RAD51B: variants seen among roughly 807,000 people sequenced by gnomAD.
The protein encoded by RAD51B is DNA repair protein RAD51 homolog 2.
Under a neutral mutation model 42.2 loss-of-function variants are expected in RAD51B, and 38 were observed. That is an observed-to-expected ratio of 0.90 (90% CI 0.70 to 1.18). The LOEUF (loss-of-function observed/expected upper bound fraction) is 1.18, where lower values mean the gene tolerates loss of function less well. Among genes scored for constraint, RAD51B ranks in the 50% most tolerant of loss-of-function variants. The pLI is 0.00. For missense variants in RAD51B, 373 were observed against 400.7 expected (o/e 0.93, Z 0.59); for synonymous variants, 154 against 145.2 (o/e 1.06, Z -0.43).
At chr14:67,863,131 T>C in intron 4 of RAD51B, among the ~76,000 whole-genome samples, 1 of 149,914 alleles carries the variant, frequency 6.7e-6, no homozygotes, top group Admixed American at 6.8e-5. Flanking sequence ...TAAACCAGCA[T>C]ATAGTTTTAA....
At chr14:68,260,226 T>C (rs1050493413) in intron 7 of RAD51B, among the ~76,000 whole-genome samples, 11 of 144,728 alleles carry the variant, frequency 7.6e-5, no homozygotes, top group African/African-American at 2.8e-4. Context: ...AAATATCTGG[T>C]GCAAAGGCTC....
intron 7 of RAD51B, among the ~76,000 whole-genome samples, chr14:68,138,474 TTTCTC>T (rs760516948): frequency 3.3e-5 from 5 of 152,174 alleles, no homozygotes; most frequent in Non-Finnish European, 5.9e-5. Context: ...CATTAAATCT[TTTCTC>T]TTCAAGGAGA....
At chr14:68,441,385 A>AT (rs2085282877) in intron 9 of RAD51B, among the ~76,000 whole-genome samples, 1 of 143,882 alleles carries the variant, frequency 7.0e-6, no homozygotes, top group Non-Finnish European at 1.5e-5. Flanking sequence ...TAGTAAAAAA[A>AT]CAAAAAATTA....
At chr14:68,188,954 G>C (rs528927700) in intron 7 of RAD51B, among the ~76,000 whole-genome samples, 1 of 151,718 alleles carries the variant, frequency 6.6e-6, no homozygotes, top group Non-Finnish European at 1.5e-5. Context: ...TATGTTTATA[G>C]CTCTTTGATA....
intron 9 of RAD51B, among the ~76,000 whole-genome samples, chr14:68,445,870 G>C (rs1257884781): frequency 1.3e-5 from 2 of 152,212 alleles, no homozygotes; most frequent in African/African-American, 2.4e-5. Flanking sequence ...TTGTACAGTA[G>C]AGTGGAAACA....
intron 10 of RAD51B, among the ~76,000 whole-genome samples, chr14:68,622,668 A>G (rs1004780992): frequency 6.7e-6 from 1 of 148,676 alleles, no homozygotes; most frequent in African/African-American, 2.5e-5. Context: ...ACATTTCCTG[A>G]TAGCCCTTGG....
intron 7 of RAD51B, among the ~76,000 whole-genome samples, chr14:67,970,243 A>G (rs917568161): frequency 6.6e-6 from 1 of 152,196 alleles, no homozygotes; most frequent in African/African-American, 2.4e-5. Flanking sequence ...TGGTAGCAGT[A>G]GGGTGGTTAT....
chr14:68,002,660 G>A (rs1159461431), intron 7 of RAD51B, among the ~76,000 whole-genome samples: 1 of 152,034 alleles, frequency 6.6e-6, no homozygotes, highest in Admixed American at 6.5e-5. Context: ...TTATAGTCAG[G>A]GTTTTACATT....
intron 10 of RAD51B, among the ~76,000 whole-genome samples, chr14:68,512,812 G>T (rs951127081): frequency 1.3e-5 from 2 of 152,064 alleles, no homozygotes; most frequent in Admixed American, 6.5e-5. Flanking sequence ...AAGGAAGCAG[G>T]TTAAGAGATG....
At chr14:68,556,153 C>G (rs1015232710) in intron 10 of RAD51B, among the ~76,000 whole-genome samples, 14 of 152,124 alleles carry the variant, frequency 9.2e-5, no homozygotes, top group African/African-American at 3.1e-4. Flanking sequence ...TTTTAAGTAC[C>G]TACTATATTC....
intron 8 of RAD51B, among the ~76,000 whole-genome samples, chr14:68,384,665 T>G (rs2083554064): frequency 6.6e-6 from 1 of 152,234 alleles, no homozygotes; most frequent in African/African-American, 2.4e-5. Flanking sequence ...GGATCAGAAT[T>G]AAGGTTCCTT....
intron 7 of RAD51B, among the ~76,000 whole-genome samples, chr14:67,932,342 A>G (rs2044769746): frequency 6.6e-6 from 1 of 152,050 alleles, no homozygotes; most frequent in Admixed American, 6.6e-5. Context: ...GTTATCTGTG[A>G]TTTCCTCCAT....
chr14:68,673,443 C>T lies in RAD51B; in HGVS notation c.*11+22587C>T, dbSNP rs531379607. On this transcript the variant is annotated intron_variant, in intron 11 of 11. Coordinates refer to the RAD51B transcript ENST00000488612. ...ATGCAAACATGTATACATGCACACA[C>T]GTACACATACTGTATGCACACATAT... Among the ~76,000 whole-genome samples, 96 of 152,044 alleles carry T rather than the reference C, an allele frequency of 6.3e-4. 1 individual carries two copies. In the South Asian group the frequency reaches 0.018, roughly 28 times the overall value.
At chr14:68,138,763 C>G (rs1035043080) in intron 7 of RAD51B, among the ~76,000 whole-genome samples, 11 of 152,132 alleles carry the variant, frequency 7.2e-5, no homozygotes, top group Non-Finnish European at 1.6e-4. Flanking sequence ...AATTAAGGCT[C>G]AAAACTCAAT....
intron 9 of RAD51B, among the ~76,000 whole-genome samples, chr14:68,417,394 G>C (rs1431917602): frequency 6.6e-6 from 1 of 152,170 alleles, no homozygotes; most frequent in East Asian, 1.9e-4. Context: ...ATCCAGTCAA[G>C]TACATTATCT....
chr14:67,955,365 G>T (rs1159122027), intron 7 of RAD51B, among the ~76,000 whole-genome samples: 1 of 152,188 alleles, frequency 6.6e-6, no homozygotes, highest in Non-Finnish European at 1.5e-5. Context: ...CTTAGGATTT[G>T]AAGGTACTTT....
chr14:68,616,528 T>C (rs1891830153), downstream of RAD51B, among the ~76,000 whole-genome samples: 2 of 152,194 alleles, frequency 1.3e-5, no homozygotes, highest in South Asian at 4.1e-4. Flanking sequence ...TTATTACTAA[T>C]TTTAGTAATT....
chr14:68,365,605 C>T (rs186011978), intron 8 of RAD51B, among the ~76,000 whole-genome samples: 11 of 152,310 alleles, frequency 7.2e-5, no homozygotes, highest in Admixed American at 6.5e-5. Context: ...AGATTATTAA[C>T]TTACCAGTGT....
chr14:67,950,295 A>C (rs1457295157), intron 7 of RAD51B, among the ~76,000 whole-genome samples: 1 of 152,182 alleles, frequency 6.6e-6, no homozygotes, highest in Non-Finnish European at 1.5e-5. Context: ...TCTTAGGGAG[A>C]TCTTCTGGAT....
Sources: gnomAD v4.1 joint callset for allele counts (sites outside exome capture counted in the v4.1 genomes callset) on GRCh38, gnomAD v4.1.1 for gene constraint, MANE v1.5 for transcripts, NCBI Gene and HGNC (gene_info 2026-07-23, HGNC 2026-07-21) for gene names.